Variants in USP43 observed in about 807,000 individuals in gnomAD.
USP43 encodes the protein ubiquitin specific peptidase 43, also known as ubiquitin carboxyl-terminal hydrolase 43.
A neutral mutation model predicts 90.7 loss-of-function variants in USP43; 33 were observed. The observed-to-expected ratio is 0.36, with a 90% CI of 0.28 to 0.49. The LOEUF (loss-of-function observed/expected upper bound fraction) is 0.49. USP43 is among the 20% of genes least tolerant of loss of function. The pLI, the probability that USP43 is intolerant of heterozygous loss-of-function variation, is 0.98. For missense variants in USP43, 1,274 were observed against 1,476.4 expected (o/e 0.86, Z 2.25); for synonymous variants, 598 against 615.8 (o/e 0.97, Z 0.43).
At chr17:9,669,166 T>A (rs1913235249) in intron 3 of USP43, among the ~76,000 whole-genome samples, 1 of 151,984 alleles carries the variant, frequency 6.6e-6, no homozygotes, top group Admixed American at 6.5e-5. Flanking sequence ...CCTCTTCAGG[T>A]GCCCAACGCA....
At chr17:9,696,930 T>G (rs1014973261) in intron 9 of USP43, among the ~76,000 whole-genome samples, 5 of 152,142 alleles carry the variant, frequency 3.3e-5, no homozygotes, top group African/African-American at 1.2e-4. Flanking sequence ...TTCATTAAAT[T>G]TTTGGGCCAG....
intron 6 of USP43, among the ~76,000 whole-genome samples, chr17:9,681,190 T>G (rs1914186719): frequency 9.7e-6 from 1 of 102,966 alleles, no homozygotes; most frequent in African/African-American, 4.4e-5. Flanking sequence ...ATATACTATA[T>G]AATATATACT....
chr17:9,683,852 A>G (rs1914441361), intron 7 of USP43, among the ~76,000 whole-genome samples: 1 of 152,172 alleles, frequency 6.6e-6, no homozygotes, highest in Non-Finnish European at 1.5e-5. Context: ...TTTCAGGTTG[A>G]CTAGAGAGGT....
In USP43 at chr17:9,728,706, C is replaced by T. The variant is rs1414467366; in HGVS notation, c.3088C>T (p.Leu1030=). The T allele has an allele frequency of 6.2e-7, 1 of 1,603,842 alleles. No individual in the cohort carries two copies. The highest frequency in any genetic ancestry group is 1.3e-5 in the African/African-American group (1 of 74,834). ...CCCCGTCTCCCTGGTGAGTGGCGGG[C>T]TGAGCCCTGCCATGGACGGGCAGGC... is the stretch of plus-strand genomic sequence containing the variant. ...VPPVSLVSGG[L]SPAMDGQAPG... is the part of the protein sequence containing the mutation. Residue 1030 remains leucine, a synonymous_variant, in exon 15 of 15, where the codon CTG becomes TTG. Transcript: ENST00000285199. This position sits in a 1 kb window ranked among gnomAD's most constrained non-coding sequence, Gnocchi z 6.2.
chr17:9,713,380 C>A (rs1916319202), intron 14 of USP43, among the ~76,000 whole-genome samples: 1 of 152,144 alleles, frequency 6.6e-6, no homozygotes, highest in Non-Finnish European at 1.5e-5. Flanking sequence ...TGAGCCACCG[C>A]ACCTGGCCTA....
chr17:9,662,781 G>T (rs1912735193), intron 2 of USP43, among the ~76,000 whole-genome samples: 1 of 150,954 alleles, frequency 6.6e-6, no homozygotes. Flanking sequence ...ACTGTGCTTT[G>T]TACCAGACAT....
rs1567663917 is a variant in USP43 at position 9,686,066 on chromosome 17, T to A, written c.1242-732T>A. Among the ~76,000 whole-genome samples the A allele has an allele frequency of 6.6e-6, 1 of 152,246 alleles. No homozygotes were observed. Among genetic ancestry groups the A allele is most frequent in the Non-Finnish European group, 1.5e-5 (1 of 68,040 alleles). On this transcript the variant is annotated intron_variant, in intron 7 of 14. Transcript: ENST00000285199. The surrounding 1 kb of genome is among the most constrained non-coding windows in gnomAD (Gnocchi z 5.5). The stretch of plus-strand genomic sequence containing the variant: ...AGGGAGTACATGCAGTATTTATCTT[T>A]CTGTGCCTGACTTATTTCACTTAAC...
At chr17:9,695,509 A>AT (rs1292105806) in intron 9 of USP43, among the ~76,000 whole-genome samples, 1 of 151,808 alleles carries the variant, frequency 6.6e-6, no homozygotes, top group Non-Finnish European at 1.5e-5. Context: ...AATTTTTTGT[A>AT]TTTTTAGTAG....
chr17:9,684,086 G>A (rs371610759), intron 7 of USP43, among the ~76,000 whole-genome samples: 2 of 151,906 alleles, frequency 1.3e-5, no homozygotes, highest in South Asian at 2.1e-4. Context: ...GCAGTCGGCC[G>A]AGATTGCACC....
chr17:9,707,399 C>A (rs1915943070), intron 12 of USP43, among the ~76,000 whole-genome samples: 1 of 152,068 alleles, frequency 6.6e-6, no homozygotes, highest in African/African-American at 2.4e-5. Flanking sequence ...GTAATCCCAG[C>A]ACTTTGGGAG....
chr17:9,726,195 T>C (rs377513113), intron 14 of USP43, among the ~76,000 whole-genome samples: 21 of 152,290 alleles, frequency 1.4e-4, no homozygotes, highest in African/African-American at 5.1e-4. Context: ...CGATGTGCAC[T>C]TTGCCTCCCC....
At chr17:9,651,312 C>T (rs1911845652) in intron 1 of USP43, among the ~76,000 whole-genome samples, 2 of 152,074 alleles carry the variant, frequency 1.3e-5, no homozygotes, top group Non-Finnish European at 2.9e-5. Context: ...CTGTCTCAGC[C>T]TTCCGAGTAG....
rs1274080306 is a variant in USP43, at chr17:9,645,693, C to G, written c.61C>G (p.Arg21Gly). 8 of 1,299,468 alleles carry G rather than the reference C, an allele frequency of 6.2e-6. No homozygotes were observed. The highest frequency in any genetic ancestry group is 7.8e-6 in the Non-Finnish European group (8 of 1,030,368). The allele number at this position is 1,299,468 out of a possible 1,614,324, so 80.5% of individuals were successfully genotyped here. A position where few individuals can be genotyped will look rare whatever the true frequency, so the allele number is the denominator to read the frequency against. ...GGPLAPRPRRRRSLRRLFSRF... is the reference protein window; with the variant it reads ...GGPLAPRPRRGRSLRRLFSRF... Reference sequence around the variant, plus strand: ...ACCGCTCGCGCCCCGGCCCCGCCGCCGCCGCTCCCTGCGCCGCCTGTTCAG... The same window carrying G: ...ACCGCTCGCGCCCCGGCCCCGCCGCGGCCGCTCCCTGCGCCGCCTGTTCAG... Residue 21 changes from arginine to glycine, a missense_variant, in exon 1 of 15, where the codon CGC becomes GGC. This residue lies in a region of USP43 where 112 missense variants were observed against 106.6 expected (regional missense o/e 1.05). Transcript: ENST00000285199. This position sits in a 1 kb window ranked among gnomAD's most constrained non-coding sequence, Gnocchi z 6.8.
In USP43 at chr17:9,729,110, A is replaced by AATT; in HGVS notation, c.*120_*121insATT. On this transcript the variant is annotated 3_prime_UTR_variant, in exon 15 of 15. Coordinates refer to ENST00000285199, the MANE Select transcript of USP43 (RefSeq NM_153210.5). Reference sequence around the variant, plus strand: ...GTTGTCTTGTAATCTCTAAAAAAAAATTTTTTTTTTTTTGTGGTGGGGGGT... The same window carrying AATT: ...GTTGTCTTGTAATCTCTAAAAAAAAAATTTTTTTTTTTTTTTGTGGTGGGGGGT... 1 of 827,946 alleles carries AATT rather than the reference A, an allele frequency of 1.2e-6. No individual in the cohort carries two copies. The highest frequency in any genetic ancestry group is 1.6e-6 in the Non-Finnish European group (1 of 611,366). The allele number at this position is 827,946 out of a possible 1,614,324, so 51.3% of individuals were successfully genotyped here. A position where few individuals can be genotyped will look rare whatever the true frequency, so the allele number is the denominator to read the frequency against.
chr17:9,716,100 GTGTT>G (rs1396126824), intron 14 of USP43, among the ~76,000 whole-genome samples: 4 of 144,194 alleles, frequency 2.8e-5, no homozygotes, highest in Non-Finnish European at 5.9e-5. Flanking sequence ...CTGTGTGTGT[GTGTT>G]TGTGTGTCTT....
intron 2 of USP43, among the ~76,000 whole-genome samples, chr17:9,664,198 A>G (rs1032082334): frequency 3.3e-5 from 5 of 151,866 alleles, no homozygotes; most frequent in Non-Finnish European, 7.4e-5. Flanking sequence ...TGCAGTAAAC[A>G]CTCCTCCCCA....
At chr17:9,675,572 G>A (rs1243633536) in intron 4 of USP43, among the ~76,000 whole-genome samples, 1 of 152,058 alleles carries the variant, frequency 6.6e-6, no homozygotes, top group African/African-American at 2.4e-5. Context: ...TCCTATGTGG[G>A]GTGTCTTCTC....
chr17:9,691,263 C>T (rs1025453132), intron 8 of USP43, among the ~76,000 whole-genome samples: 9 of 151,276 alleles, frequency 5.9e-5, no homozygotes, highest in African/African-American at 1.2e-4. Context: ...TACAGGCACC[C>T]GCCACCACAC....
At chr17:9,715,598 G>C in intron 14 of USP43, among the ~76,000 whole-genome samples, 1 of 150,034 alleles carries the variant, frequency 6.7e-6, no homozygotes, top group Middle Eastern at 3.2e-3. Flanking sequence ...TTGTGTCTTT[G>C]TGTGTGTGTC....
Sources: gnomAD v4.1 joint callset for allele counts (sites outside exome capture counted in the v4.1 genomes callset) on GRCh38, gnomAD v4.1.1 for gene constraint, gnomAD v4.1.1 regional missense constraint, Gnocchi (gnomAD v3.1) non-coding constraint, MANE v1.5 for transcripts, NCBI Gene and HGNC (gene_info 2026-07-23, HGNC 2026-07-21) for gene names.